The following UST variants were observed in gnomAD, a reference collection of about 807,000 sequenced individuals.
UST encodes the protein chondroitin sulfate 2-O-sulfotransferase.
UST carries 21 observed loss-of-function variants against 45.6 expected under a neutral mutation model. The observed-to-expected ratio is 0.46, with a 90% CI of 0.33 to 0.66. The LOEUF (loss-of-function observed/expected upper bound fraction) is 0.66, where lower values mean the gene tolerates loss of function less well. Among genes scored for constraint, UST ranks in the 30% least tolerant of loss-of-function variants. The pLI, the probability that UST is intolerant of heterozygous loss-of-function variation, is 0.02. For missense variants in UST, 463 were observed against 512.4 expected, an observed-to-expected ratio of 0.90 and a Z score of 0.93; for synonymous variants, 215 against 200.6, an observed-to-expected ratio of 1.07 and a Z score of -0.61.
At chr6:149,072,610 G>A (rs993303340) in intron 7 of UST, among the ~76,000 whole-genome samples, 14 of 149,976 alleles carry the variant, frequency 9.3e-5, no homozygotes, top group African/African-American at 1.5e-4. Context: ...CCAAGATTGC[G>A]CCATTGCACT....
At chr6:148,859,160 G>T (rs962769097) in intron 1 of UST, among the ~76,000 whole-genome samples, 18 of 152,048 alleles carry the variant, frequency 1.2e-4, no homozygotes, top group Non-Finnish European at 2.5e-4. Context: ...TTCAGCACCT[G>T]TTGTTTCCTG....
chr6:148,875,522 G>A (rs1374882846), intron 1 of UST, among the ~76,000 whole-genome samples: 1 of 152,134 alleles, frequency 6.6e-6, no homozygotes, highest in Non-Finnish European at 1.5e-5. Flanking sequence ...AATATAACTG[G>A]CTGGGTGCGG....
At chr6:149,014,113 G>A (rs528841966) in intron 5 of UST, among the ~76,000 whole-genome samples, 1 of 152,348 alleles carries the variant, frequency 6.6e-6, no homozygotes, top group South Asian at 2.1e-4. Context: ...TGCAGAGTGA[G>A]GAGAAGGAGG....
At chr6:149,057,288 ATTAAGGGCACTGCTGTAC>A (rs1489590031) in intron 7 of UST, among the ~76,000 whole-genome samples, 1 of 152,054 alleles carries the variant, frequency 6.6e-6, no homozygotes, top group Non-Finnish European at 1.5e-5. Flanking sequence ...ATACTCCCAT[ATTAAGGGCACTGCTGTAC>A]TCCTTTACAT....
At chr6:148,832,597 T>C (rs1214549811) in intron 1 of UST, among the ~76,000 whole-genome samples, 1 of 152,198 alleles carries the variant, frequency 6.6e-6, no homozygotes, top group African/African-American at 2.4e-5. Context: ...TATCACACAT[T>C]GAGTTGGTTA....
chr6:149,038,081 T>C (rs1290537849), intron 7 of UST, among the ~76,000 whole-genome samples: 1 of 152,108 alleles, frequency 6.6e-6, no homozygotes, highest in Non-Finnish European at 1.5e-5. Context: ...ACTGGTTCCT[T>C]TTTGACCCAA....
intron 2 of UST, among the ~76,000 whole-genome samples, chr6:148,922,150 A>C (rs1779720258): frequency 6.6e-6 from 1 of 152,182 alleles, no homozygotes; most frequent in Admixed American, 6.5e-5. Flanking sequence ...AGTGGTTTTT[A>C]GTATATTCAC....
chr6:148,944,148 A>G (rs1780186211), intron 3 of UST, among the ~76,000 whole-genome samples: 1 of 152,156 alleles, frequency 6.6e-6, no homozygotes, highest in East Asian at 1.9e-4. Context: ...GAAGGGGGAA[A>G]TGGTTTAGAA....
At chr6:148,856,274 C>T (rs1317272250) in intron 1 of UST, among the ~76,000 whole-genome samples, 1 of 152,110 alleles carries the variant, frequency 6.6e-6, no homozygotes, top group African/African-American at 2.4e-5. Context: ...CCTCGGCCTC[C>T]CAAAGTGCTG....
intron 2 of UST, among the ~76,000 whole-genome samples, chr6:148,894,269 G>T (rs1006226473): frequency 6.6e-6 from 1 of 152,182 alleles, no homozygotes; most frequent in Non-Finnish European, 1.5e-5. Flanking sequence ...AGATACATTG[G>T]ATCCTAACCC....
chr6:148,951,194 C>T (rs1035688055), intron 3 of UST, among the ~76,000 whole-genome samples: 1 of 152,114 alleles, frequency 6.6e-6, no homozygotes, highest in Admixed American at 6.6e-5. Flanking sequence ...TCACATGGCT[C>T]AACACACCAT....
intron 1 of UST, among the ~76,000 whole-genome samples, chr6:148,774,470 A>C (rs1776492626): frequency 6.6e-6 from 1 of 152,218 alleles, no homozygotes; most frequent in African/African-American, 2.4e-5. Flanking sequence ...TAATAACTCA[A>C]ATTCAGGATA....
At chr6:148,768,644 A>G (rs1017927121) in intron 1 of UST, among the ~76,000 whole-genome samples, 3 of 152,232 alleles carry the variant, frequency 2.0e-5, no homozygotes, top group Admixed American at 6.5e-5. Flanking sequence ...AATTAACTCA[A>G]TGATACTGCA....
At chr6:148,915,592 A>C (rs906140686) in intron 2 of UST, among the ~76,000 whole-genome samples, 1 of 152,236 alleles carries the variant, frequency 6.6e-6, no homozygotes, top group African/African-American at 2.4e-5. Flanking sequence ...CAAAATATTA[A>C]TAAGGTATTT....
chr6:148,946,521 A>AAAAAAAAAAAAAAAAAAAAAAAAAAC (rs1780240811), intron 3 of UST, among the ~76,000 whole-genome samples: 1 of 141,878 alleles, frequency 7.0e-6, no homozygotes, highest in African/African-American at 2.6e-5. Flanking sequence ...AAAAAAAAAA[A>AAAAAAAAAAAAAAAAAAAAAAAAAAC]AAAAAAAAGG....
intron 5 of UST, among the ~76,000 whole-genome samples, chr6:149,006,473 T>C (rs1247400486): frequency 3.3e-5 from 5 of 152,196 alleles, no homozygotes; most frequent in Admixed American, 3.3e-4. Flanking sequence ...ATATGTACCA[T>C]ATTTTCTTTA....
Position 148,774,751 on chromosome 6 carries a change from G to T in UST, c.247+27074G>T, listed in dbSNP as rs191576299. 2.4e-3 allele frequency among the ~76,000 whole-genome samples: 371 copies of T among 152,320 alleles called. 2 individuals carry two copies. The highest frequency in any genetic ancestry group is 8.5e-3 in the African/African-American group (354 of 41,574). On this transcript the variant is annotated intron_variant, in intron 1 of 7. Coordinates refer to ENST00000367463, the MANE Select transcript of UST (RefSeq NM_005715.3). ...TGAGTGCATGAGGTCAGGTGCGGTG[G>T]CTCACGCCTGTAATCCTAGCACTTC... is the stretch of plus-strand genomic sequence containing the variant.
At chr6:149,017,935 T>C (rs538399869) in intron 5 of UST, among the ~76,000 whole-genome samples, 2 of 152,178 alleles carry the variant, frequency 1.3e-5, no homozygotes, top group East Asian at 1.9e-4. Flanking sequence ...TTAATCACCC[T>C]CACCACATGG....
chr6:148,923,768 C>G (rs1233635968), intron 2 of UST, among the ~76,000 whole-genome samples: 1 of 152,076 alleles, frequency 6.6e-6, no homozygotes, highest in African/African-American at 2.4e-5. Context: ...TTAGCCCCTC[C>G]CCACTCCTGG....
Sources: gnomAD v4.1 joint callset for allele counts (sites outside exome capture counted in the v4.1 genomes callset) on GRCh38, gnomAD v4.1.1 for gene constraint, MANE v1.5 for transcripts, NCBI Gene and HGNC (gene_info 2026-07-23, HGNC 2026-07-21) for gene names.